The following INPP5D variants were observed in gnomAD, a reference collection of about 807,000 sequenced individuals.
INPP5D encodes the protein phosphatidylinositol 3,4,5-trisphosphate 5-phosphatase 1.
A neutral mutation model predicts 122.9 loss-of-function variants in INPP5D; 33 were observed. The observed-to-expected ratio is 0.27, with a 90% CI of 0.20 to 0.36. INPP5D has a LOEUF of 0.36. Among genes scored for constraint, INPP5D ranks in the 10% least tolerant of loss-of-function variants. The pLI is 1.00. For missense variants in INPP5D, 1,053 were observed against 1,412.7 expected, an observed-to-expected ratio of 0.75 and a Z score of 4.08; for synonymous variants, 584 against 576.2, an observed-to-expected ratio of 1.01 and a Z score of -0.19.
At chr2:233,068,285 C>CAACAAAAA (rs1691281193) in intron 1 of INPP5D, among the ~76,000 whole-genome samples, 1 of 127,168 alleles carries the variant, frequency 7.9e-6, no homozygotes. Flanking sequence ...AACTCTGTCT[C>CAACAAAAA]AAAAAAAAAA....
rs74661760 is a variant in INPP5D at position 233,083,532 on chromosome 2, G to A, written c.198+4134G>A. Reference sequence around the variant, plus strand: ...GACGAAGGCAGAACGGCTCAGCCCCGCAGGCCTGACTGTCCCACACCAAGA... The same window carrying A: ...GACGAAGGCAGAACGGCTCAGCCCCACAGGCCTGACTGTCCCACACCAAGA... On this transcript the variant is annotated intron_variant, in intron 2 of 26. Coordinates refer to ENST00000445964, the MANE Select transcript of INPP5D (RefSeq NM_001017915.3). Among the ~76,000 whole-genome samples the A allele has an allele frequency of 6.0e-3, 910 of 152,280 alleles. 10 individuals are homozygous for A. Among genetic ancestry groups the A allele is most frequent in the African/African-American group, 0.021 (860 of 41,548 alleles).
rs1158075026 is a variant in INPP5D, at chr2:233,204,450, C to G, written c.3300C>G (p.Asp1100Glu). Residue 1100 changes from aspartate (D) to glutamate (E), a missense_variant, in exon 26 of 27, where the codon GAC (aspartate) becomes GAG (glutamate). By Grantham distance (45) the Asp-to-Glu change is conservative. This residue lies in a region of INPP5D where 417 missense variants were observed against 425.8 expected (regional missense o/e 0.98). Coordinates refer to ENST00000445964, the MANE Select transcript of INPP5D (RefSeq NM_001017915.3). ...CCGAGGGCAGGGCGGCCGGCGGGGA[C>G]AAGAGCCAAGGGAAGCCCAAGACCC... ...SSAEGRAAGG[D>E]KSQGKPKTPV... is the part of the protein sequence containing the mutation. 2.5e-6 allele frequency: 4 copies of G among 1,598,908 alleles called. No individual in the cohort carries two copies. The highest frequency in any genetic ancestry group is 3.4e-6 in the Non-Finnish European group (4 of 1,173,832).
chr2:233,121,097 A>ATTTC lies in INPP5D; in HGVS notation c.199-986_199-983dup, dbSNP rs139862941. On this transcript the variant is annotated intron_variant, in intron 2 of 26. Transcript: ENST00000445964. ...TCTTGGGGTTGTGGGATTACAGGTG[A>ATTTC]TTTCTTTCTTTCTTTCTTTCTTTCT... Among the ~76,000 whole-genome samples, 278 of 134,186 alleles carry ATTTC rather than the reference A, an allele frequency of 2.1e-3. 2 individuals are homozygous for ATTTC. Among genetic ancestry groups the ATTTC allele is most frequent in the East Asian group, 6.3e-3 (30 of 4,790 alleles). 88.0% of individuals were successfully genotyped at this position (134,186 alleles called of 152,430 possible). A position where few individuals can be genotyped will look rare whatever the true frequency, so the allele number is the denominator to read the frequency against.
At chr2:233,086,100 G>A (rs1691824076) in intron 2 of INPP5D, among the ~76,000 whole-genome samples, 1 of 147,160 alleles carries the variant, frequency 6.8e-6, no homozygotes. Context: ...CTTAAAAACA[G>A]ACATAGGGAT....
At chr2:233,203,766 G>A (rs1195882298) in intron 25 of INPP5D, among the ~76,000 whole-genome samples, 1 of 151,866 alleles carries the variant, frequency 6.6e-6, no homozygotes, top group East Asian at 1.9e-4. Flanking sequence ...GCCAGGCCTG[G>A]AGGCATTGCT....
At chr2:233,111,957 G>C (rs1017482600) in intron 2 of INPP5D, among the ~76,000 whole-genome samples, 5 of 76,336 alleles carry the variant, frequency 6.5e-5, no homozygotes, top group South Asian at 3.3e-4. Flanking sequence ...CAGGTACTTG[G>C]GGGGGCTGAG....
chr2:233,143,312 C>G (rs1480274936), intron 6 of INPP5D, among the ~76,000 whole-genome samples: 1 of 152,110 alleles, frequency 6.6e-6, no homozygotes, highest in African/African-American at 2.4e-5. Flanking sequence ...CTTGTTATAT[C>G]TCCCCTCCCA....
At chr2:233,173,102 G>C (rs529273459) in intron 17 of INPP5D, among the ~76,000 whole-genome samples, 1 of 151,994 alleles carries the variant, frequency 6.6e-6, no homozygotes, top group African/African-American at 2.4e-5. Flanking sequence ...CCAGCTACTC[G>C]GGAGGCTGAG....
rs1023285845 is a variant in INPP5D, at chr2:233,188,044, C to T, written c.2359-1806C>T. Among the ~76,000 whole-genome samples the T allele has an allele frequency of 6.6e-6, 1 of 152,068 alleles. No individual in the cohort carries two copies. The highest frequency in any genetic ancestry group is 1.5e-5 in the Non-Finnish European group (1 of 67,976). Reference sequence around the variant, plus strand: ...CCCTCCCTCAGTCCCCCTGCCCCCTCCCAGGGGGTCCACTCCTCCTGTCTC... The same window carrying T: ...CCCTCCCTCAGTCCCCCTGCCCCCTTCCAGGGGGTCCACTCCTCCTGTCTC... On this transcript the variant is annotated intron_variant, in intron 21 of 26. Coordinates refer to ENST00000445964, the MANE Select transcript of INPP5D (RefSeq NM_001017915.3). The surrounding 1 kb of genome is among the most constrained non-coding windows in gnomAD (Gnocchi z 4.7).
At chr2:233,093,595 G>A (rs190325924) in intron 2 of INPP5D, among the ~76,000 whole-genome samples, 23 of 151,034 alleles carry the variant, frequency 1.5e-4, no homozygotes, top group East Asian at 3.9e-4. Context: ...CATGAGAATC[G>A]CTTGAACTTG....
chr2:233,079,097 C>T (rs551565121), intron 1 of INPP5D, among the ~76,000 whole-genome samples: 4 of 151,916 alleles, frequency 2.6e-5, no homozygotes, highest in Non-Finnish European at 5.9e-5. Context: ...CCTAAATGAC[C>T]CCCCCCAACC....
intron 2 of INPP5D, among the ~76,000 whole-genome samples, chr2:233,088,259 G>A (rs1691903235): frequency 6.6e-6 from 1 of 152,210 alleles, no homozygotes; most frequent in South Asian, 2.1e-4. Flanking sequence ...ACAGGCATGA[G>A]CCACCAGCCC....
Position 233,177,435 on chromosome 2 carries a change from G to C in INPP5D, c.2071+89G>C. On this transcript the variant is annotated intron_variant, in intron 18 of 26. Transcript: ENST00000445964. The surrounding 1 kb of genome is among the most constrained non-coding windows in gnomAD (Gnocchi z 4.2). ...ACTGCCCTAAAATCTAAGGGCTTCAGTCTGTTGATGTGTCAAAGGGAGGAA... is the reference window on the plus strand; with the variant it reads ...ACTGCCCTAAAATCTAAGGGCTTCACTCTGTTGATGTGTCAAAGGGAGGAA... 1.2e-6 allele frequency: 2 copies of C among 1,600,402 alleles called. No individual in the cohort carries two copies. The highest frequency in any genetic ancestry group is 8.5e-7 in the Non-Finnish European group (1 of 1,170,302).
chr2:233,118,894 G>A (rs746096128), intron 2 of INPP5D, among the ~76,000 whole-genome samples: 3 of 152,228 alleles, frequency 2.0e-5, no homozygotes, highest in Non-Finnish European at 4.4e-5. Context: ...CCGGGCAGCC[G>A]GCAGCCTTGG....
chr2:233,079,052 C>G (rs1427017170), intron 1 of INPP5D, among the ~76,000 whole-genome samples: 2 of 152,126 alleles, frequency 1.3e-5, no homozygotes, highest in Non-Finnish European at 2.9e-5. Context: ...GTGGCAGACT[C>G]CTTTAGATCA....
At chr2:233,195,596 C>T (rs954286931) in intron 24 of INPP5D, 101 bp downstream of exon 24, 79 of 1,556,472 alleles carry the variant, frequency 5.1e-5, no homozygotes, top group South Asian at 1.0e-4. Context: ...CCCATAATCC[C>T]GGCACTTTGG....
chr2:233,083,047 C>T (rs528843102), intron 2 of INPP5D, among the ~76,000 whole-genome samples: 4 of 152,202 alleles, frequency 2.6e-5, no homozygotes, highest in Non-Finnish European at 5.9e-5. Flanking sequence ...TGGCATCTGT[C>T]CCTTGTGGTA....
rs536528184 is a variant in INPP5D at position 233,198,287 on chromosome 2, G to A, written c.2886G>A (p.Pro962=). Residue 962 remains proline (P), a synonymous_variant, in exon 25 of 27, where the codon CCG becomes CCA. Transcript: ENST00000445964. ...PLGPCRGESP[P]TPPGQPPISP... is the part of the protein sequence containing the mutation. ...GGCCCTGCAGGGGAGAAAGTCCTCC[G>A]ACACCTCCCGGCCAGCCGCCCATAT... 89 of 1,613,424 alleles carry A rather than the reference G, an allele frequency of 5.5e-5. 1 individual carries two copies. The East Asian group carries it at 1.5e-3, about 28-fold the overall frequency.
chr2:233,182,394 C>T lies in INPP5D; in HGVS notation c.2072-16C>T, dbSNP rs1213414284. 1.5e-5 allele frequency: 25 copies of T among 1,613,104 alleles called. No homozygotes were observed. The highest frequency in any genetic ancestry group is 2.7e-5 in the African/African-American group (2 of 74,904). On this transcript the variant is annotated splice_polypyrimidine_tract_variant and intron_variant, in intron 18 of 26. Coordinates refer to ENST00000445964, the MANE Select transcript of INPP5D (RefSeq NM_001017915.3). ...CTTCTCCTTCCCTGCTTAAAAATGC[C>T]TTCCCTCCCCTGCAGGCAGTACCAG...
Sources: gnomAD v4.1 joint callset for allele counts (sites outside exome capture counted in the v4.1 genomes callset) on GRCh38, gnomAD v4.1.1 for gene constraint, gnomAD v4.1.1 regional missense constraint, Gnocchi (gnomAD v3.1) non-coding constraint, MANE v1.5 for transcripts, NCBI Gene and HGNC (gene_info 2026-07-23, HGNC 2026-07-21) for gene names.